Variants in FAM184A observed in about 807,000 individuals in gnomAD.
The protein encoded by FAM184A is family with sequence similarity 184 member A, also known as protein FAM184A.
In FAM184A, 99 loss-of-function variants were observed where a neutral mutation model predicts 143.8. The ratio of observed to expected loss-of-function variants is 0.69; its 90% CI spans 0.58 to 0.81. FAM184A has a LOEUF of 0.81. Ranked by LOEUF, FAM184A falls within the 40% of genes least tolerant of loss-of-function variation. FAM184A has a pLI of 0.00. For missense variants in FAM184A, 1,217 were observed against 1,310.5 expected (o/e 0.93, Z 1.10); for synonymous variants, 427 against 446.4 (o/e 0.96, Z 0.55).
At chr6:119,081,079 C>A (rs975617827), upstream of FAM184A, among the ~76,000 whole-genome samples, 1 of 152,088 alleles carries the variant, frequency 6.6e-6, no homozygotes, top group African/African-American at 2.4e-5. Flanking sequence ...CATGAGAACA[C>A]CACCAAGTGA....
At chr6:119,047,488 A>G (rs1429065370) in intron 1 of FAM184A, among the ~76,000 whole-genome samples, 1 of 152,218 alleles carries the variant, frequency 6.6e-6, no homozygotes, top group African/African-American at 2.4e-5. Flanking sequence ...CTACGTGTCC[A>G]TCAACAGATG....
chr6:118,996,952 T>C (rs188706340), intron 9 of FAM184A, among the ~76,000 whole-genome samples: 1 of 151,248 alleles, frequency 6.6e-6, no homozygotes. Context: ...CTTGAATTCC[T>C]GGCCTCAAGT....
intron 1 of FAM184A, among the ~76,000 whole-genome samples, chr6:119,099,527 C>T (rs1788589457): frequency 6.6e-6 from 1 of 152,122 alleles, no homozygotes; most frequent in African/African-American, 2.4e-5. Context: ...AGGGGTCCTG[C>T]TCCGTATCCT....
intron 1 of FAM184A, among the ~76,000 whole-genome samples, chr6:119,062,442 T>C (rs913994170): frequency 3.3e-5 from 5 of 152,112 alleles, no homozygotes; most frequent in Non-Finnish European, 7.4e-5. Context: ...GGCAGGCAGA[T>C]TGCTTGAGCC....
chr6:119,072,672 G>C (rs73531317), intron 1 of FAM184A, among the ~76,000 whole-genome samples: 5,082 of 152,118 alleles, frequency 0.033, 296 homozygotes, highest in African/African-American at 0.12. Context: ...TATTTGCTAA[G>C]AAACTAGTAT....
intron 9 of FAM184A, among the ~76,000 whole-genome samples, chr6:118,993,203 G>A (rs1784432409): frequency 6.6e-6 from 1 of 152,154 alleles, no homozygotes; most frequent in South Asian, 2.1e-4. Context: ...AGCCTTAAGA[G>A]AGCCTTTTCA....
chr6:119,090,307 G>A (rs1788333912), intron 1 of FAM184A, among the ~76,000 whole-genome samples: 2 of 152,206 alleles, frequency 1.3e-5, no homozygotes, highest in Non-Finnish European at 2.9e-5. Context: ...TTTATCTGCT[G>A]TCTCCTTTCA....
intron 1 of FAM184A, among the ~76,000 whole-genome samples, chr6:119,089,202 ATTTATTTT>A (rs1432996400): frequency 1.8e-3 from 249 of 141,676 alleles, no homozygotes; most frequent in African/African-American, 6.0e-3. Flanking sequence ...TTATTTATTT[ATTTATTTT>A]TTTATTTTTT....
At chr6:119,037,587 G>A (rs932111952) in intron 1 of FAM184A, among the ~76,000 whole-genome samples, 2 of 151,716 alleles carry the variant, frequency 1.3e-5, no homozygotes, top group African/African-American at 4.8e-5. Flanking sequence ...TTGCCCTTTG[G>A]AATAAAAAAT....
intron 14 of FAM184A, 67 bp from the exon 15 acceptor site, chr6:118,967,019 A>T (rs1315976770): frequency 8.2e-6 from 6 of 735,458 alleles, no homozygotes; most frequent in Non-Finnish European, 1.1e-5. Flanking sequence ...TACCTACATT[A>T]AAAAAATTAG....
At chr6:119,017,466 C>G (rs564939337) in intron 4 of FAM184A, among the ~76,000 whole-genome samples, 1 of 151,540 alleles carries the variant, frequency 6.6e-6, no homozygotes, top group Non-Finnish European at 1.5e-5. Flanking sequence ...CCACTGCACT[C>G]CAGCCTGGGC....
intron 1 of FAM184A, among the ~76,000 whole-genome samples, chr6:119,144,796 C>G (rs1772368530): frequency 6.6e-6 from 1 of 152,146 alleles, no homozygotes; most frequent in Admixed American, 6.5e-5. Flanking sequence ...CCGTGACGTG[C>G]CCCCTGGCCT....
chr6:118,968,502 C>T (rs575060375), intron 14 of FAM184A, among the ~76,000 whole-genome samples: 119 of 152,238 alleles, frequency 7.8e-4, no homozygotes, highest in African/African-American at 2.8e-3. Context: ...GCATTTTATC[C>T]CAATATGGCA....
rs536834890 is a variant in FAM184A, at chr6:119,001,950, T to C, written c.2088+949A>G. Among the ~76,000 whole-genome samples, 4 of 152,294 alleles carry C rather than the reference T, an allele frequency of 2.6e-5. No homozygotes were observed. The East Asian group carries it at 7.7e-4, about 29-fold the overall frequency. Reference sequence around the variant, plus strand: ...TTGTTCCCTTGTTCTTTTTTTTGTCTGAGTTTCAAGTGACTGACAAAAGCT... The same window carrying C: ...TTGTTCCCTTGTTCTTTTTTTTGTCCGAGTTTCAAGTGACTGACAAAAGCT... On this transcript the variant is annotated intron_variant, in intron 9 of 17. Transcript: ENST00000338891.
intron 12 of FAM184A, 152 bp downstream of exon 12, chr6:118,975,765 A>T: frequency 1.2e-6 from 1 of 806,104 alleles, no homozygotes. Context: ...GTCTCAAATA[A>T]ATAAATAACT....
At chr6:119,126,882 ATTC>A (rs1391577611) in intron 1 of FAM184A, among the ~76,000 whole-genome samples, 1 of 152,128 alleles carries the variant, frequency 6.6e-6, no homozygotes, top group African/African-American at 2.4e-5. Context: ...GTGGAAAAAT[ATTC>A]TTCCCCTGAA....
intron 1 of FAM184A, among the ~76,000 whole-genome samples, chr6:119,067,328 AAG>A (rs1216392235): frequency 6.6e-6 from 1 of 152,242 alleles, no homozygotes; most frequent in Non-Finnish European, 1.5e-5. Context: ...GGGTGGTAAT[AAG>A]AGTCATAGTC....
At chr6:119,136,550 T>C (rs1386894122) in intron 1 of FAM184A, among the ~76,000 whole-genome samples, 3 of 152,188 alleles carry the variant, frequency 2.0e-5, no homozygotes, top group African/African-American at 7.2e-5. Context: ...TAGTTCAAAC[T>C]AGAAAAGATT....
intron 1 of FAM184A, among the ~76,000 whole-genome samples, chr6:119,042,856 T>C (rs146992057): frequency 7.9e-5 from 12 of 152,074 alleles, no homozygotes; most frequent in African/African-American, 2.9e-4. Flanking sequence ...GAAAAGGGGA[T>C]GGGAACTCTG....
Sources: allele counts gnomAD v4.1 joint callset (sites outside exome capture counted in the v4.1 genomes callset), GRCh38; gene constraint gnomAD v4.1.1; transcripts MANE v1.5; gene names NCBI Gene and HGNC (gene_info 2026-07-23, HGNC 2026-07-21).